The following NDUFS6 variants were observed in gnomAD, a reference collection of about 807,000 sequenced individuals.
The protein encoded by NDUFS6 is NADH dehydrogenase [ubiquinone] iron-sulfur protein 6, mitochondrial.
NDUFS6 carries 14 observed loss-of-function variants against 13.2 expected under a neutral mutation model. The ratio of observed to expected loss-of-function variants is 1.06; its 90% confidence interval spans 0.70 to 1.66. NDUFS6 has a LOEUF of 1.66. Among genes scored for constraint, NDUFS6 ranks in the 40% most tolerant of loss-of-function variants. The probability of loss-of-function intolerance (pLI) is 0.00; values close to 1 mark genes in which losing one functional copy is unlikely to be tolerated. For synonymous variants in NDUFS6, 95 were observed against 72.3 expected (o/e 1.31, Z -1.60); for missense variants, 206 against 170.8 (o/e 1.21, Z -1.15).
intron 2 of NDUFS6, among the ~76,000 whole-genome samples, chr5:1,807,281 C>A (rs1050277246): frequency 6.7e-6 from 1 of 149,806 alleles, no homozygotes; most frequent in African/African-American, 2.5e-5. Context: ...TTGCCGGGGG[C>A]GGGGGGTGAA....
In NDUFS6 at chr5:1,803,751, A is replaced by G. The variant is rs576567894; in HGVS notation, c.186+1377A>G. The stretch of plus-strand genomic sequence containing the variant: ...CATGTGCCACATTCTCCAATGCTGT[A>G]TCCCAGTGATTCACACAAAGGAGCT... On this transcript the variant is annotated intron_variant, in intron 2 of 3. Coordinates refer to ENST00000274137, the MANE Select transcript of NDUFS6 (RefSeq NM_004553.6). 2.6e-4 allele frequency among the ~76,000 whole-genome samples: 39 copies of G among 152,368 alleles called. No homozygotes were observed. In the South Asian group the frequency reaches 5.6e-3, roughly 22 times the overall value.
intron 2 of NDUFS6, among the ~76,000 whole-genome samples, chr5:1,805,414 T>G (rs1409520129): frequency 6.6e-6 from 1 of 152,248 alleles, no homozygotes; most frequent in African/African-American, 2.4e-5. Context: ...GAGCTGGTCT[T>G]TGCAGAAAAA....
chr5:1,812,810 T>G (rs538329633), intron 2 of NDUFS6, among the ~76,000 whole-genome samples: 39 of 151,588 alleles, frequency 2.6e-4, no homozygotes, highest in Admixed American at 2.2e-3. Context: ...CCCAGCACTT[T>G]GGGAGGCCGA....
chr5:1,807,522 C>T (rs1391341327), intron 2 of NDUFS6, among the ~76,000 whole-genome samples: 1 of 152,208 alleles, frequency 6.6e-6, no homozygotes, highest in African/African-American at 2.4e-5. Context: ...CCTGAGGCTT[C>T]TGTGGCTGGT....
chr5:1,814,511 A>G lies in NDUFS6; in HGVS notation c.309+50A>G, dbSNP rs777681158. On this transcript the variant is annotated intron_variant, in intron 3 of 3. Transcript: ENST00000274137. This position sits in a 1 kb window ranked among gnomAD's most constrained non-coding sequence, Gnocchi z 4.9. Reference sequence around the variant, plus strand: ...ATGTTAGGGCAGCCTGCTCGTCCTCATACTCCCCTTCACTCCCAGTGCCTG... The same window carrying G: ...ATGTTAGGGCAGCCTGCTCGTCCTCGTACTCCCCTTCACTCCCAGTGCCTG... The G allele has an allele frequency of 6.2e-7, 1 of 1,613,652 alleles. No homozygotes were observed. Among genetic ancestry groups the G allele is most frequent in the South Asian group, 1.1e-5 (1 of 91,038 alleles).
In NDUFS6 at chr5:1,814,039, A is replaced by T. The variant is rs1734263198; in HGVS notation, c.187-300A>T. ...GACAGAACGATGTGGTGGGGAGAAGAGGGCGTGGCAGAGCCCACGGGGCAC... is the reference window on the plus strand; with the variant it reads ...GACAGAACGATGTGGTGGGGAGAAGTGGGCGTGGCAGAGCCCACGGGGCAC... On this transcript the variant is annotated intron_variant, in intron 2 of 3. Transcript: ENST00000274137. This position sits in a 1 kb window ranked among gnomAD's most constrained non-coding sequence, Gnocchi z 4.9. Among the ~76,000 whole-genome samples the T allele has an allele frequency of 6.6e-6, 1 of 152,188 alleles. No individual in the cohort carries two copies. The highest frequency in any genetic ancestry group is 1.5e-5 in the Non-Finnish European group (1 of 68,044).
At chr5:1,810,543 A>C (rs918135073) in intron 2 of NDUFS6, among the ~76,000 whole-genome samples, 1 of 152,244 alleles carries the variant, frequency 6.6e-6, no homozygotes, top group Non-Finnish European at 1.5e-5. Flanking sequence ...TGCCATCGTG[A>C]GCATCATCAA....
Position 1,814,663 on chromosome 5 carries a change from CA to C in NDUFS6, c.309+204del, listed in dbSNP as rs767525708. ...AGCCGCCTGTCCGAAAACCCCCTTT[CA>C]ACTGTGAAGTGGTGGGCGGCATGTT... is the stretch of plus-strand genomic sequence containing the variant. On this transcript the variant is annotated intron_variant, in intron 3 of 3. Coordinates refer to ENST00000274137, the MANE Select transcript of NDUFS6 (RefSeq NM_004553.6). This position sits in a 1 kb window ranked among gnomAD's most constrained non-coding sequence, Gnocchi z 4.9. 1 of 818,674 alleles carries C rather than the reference CA, an allele frequency of 1.2e-6. No individual in the cohort carries two copies. The highest frequency in any genetic ancestry group is 1.4e-5 in the South Asian group (1 of 69,882). The allele number at this position is 818,674 out of a possible 1,614,324, so 50.7% of individuals were successfully genotyped here. A position where few individuals can be genotyped will look rare whatever the true frequency, so the allele number is the denominator to read the frequency against.
At chr5:1,801,983 C>T (rs1007904510) in intron 1 of NDUFS6, among the ~76,000 whole-genome samples, 6 of 152,108 alleles carry the variant, frequency 3.9e-5, no homozygotes, top group African/African-American at 9.7e-5. Flanking sequence ...TGGAATGTGC[C>T]CTAGTAGATT....
At chr5:1,809,347 A>G (rs1043484075) in intron 2 of NDUFS6, among the ~76,000 whole-genome samples, 2 of 152,158 alleles carry the variant, frequency 1.3e-5, no homozygotes, top group Non-Finnish European at 2.9e-5. Context: ...AGGTGAAAGC[A>G]GGTGAGAATG....
intron 2 of NDUFS6, among the ~76,000 whole-genome samples, chr5:1,809,577 G>T (rs891999265): frequency 3.9e-5 from 6 of 152,214 alleles, no homozygotes; most frequent in Non-Finnish European, 7.3e-5. Flanking sequence ...ACTAAATGAC[G>T]GGAGGGCATC....
At chr5:1,805,962 C>T (rs991087896) in intron 2 of NDUFS6, among the ~76,000 whole-genome samples, 5 of 152,158 alleles carry the variant, frequency 3.3e-5, no homozygotes, top group Non-Finnish European at 4.4e-5. Context: ...GCACTGAGTC[C>T]GTGTAGATGA....
intron 1 of NDUFS6, 139 bp downstream of exon 1, chr5:1,801,688 C>G: frequency 7.5e-7 from 1 of 1,326,270 alleles, no homozygotes; most frequent in Non-Finnish European, 1.0e-6. Flanking sequence ...GTCGCTCACG[C>G]GCCGGGGAGG....
At chr5:1,803,726 C>G (rs1734083903) in intron 2 of NDUFS6, among the ~76,000 whole-genome samples, 1 of 152,198 alleles carries the variant, frequency 6.6e-6, no homozygotes, top group Non-Finnish European at 1.5e-5. Context: ...GCATCTGTTC[C>G]ATGTGCCACA....
intron 2 of NDUFS6, among the ~76,000 whole-genome samples, chr5:1,803,001 T>C (rs547888590): frequency 6.6e-6 from 1 of 152,296 alleles, no homozygotes; most frequent in Admixed American, 6.5e-5. Context: ...GCCTCCATGA[T>C]TCCTGAATTT....
At chr5:1,802,267 G>A in intron 1 of NDUFS6, 54 bp from the exon 2 acceptor site, 1 of 1,478,338 alleles carries the variant, frequency 6.8e-7, no homozygotes. Flanking sequence ...GATATGAAGT[G>A]ACTTTCAGAA....
intron 2 of NDUFS6, among the ~76,000 whole-genome samples, chr5:1,803,762 T>A (rs905214546): frequency 2.0e-5 from 3 of 152,232 alleles, no homozygotes; most frequent in African/African-American, 7.2e-5. Flanking sequence ...TCCCAGTGAT[T>A]CACACAAAGG....
intron 2 of NDUFS6, among the ~76,000 whole-genome samples, chr5:1,808,166 G>A (rs1734157064): frequency 6.6e-6 from 1 of 152,202 alleles, no homozygotes; most frequent in Non-Finnish European, 1.5e-5. Flanking sequence ...ATCCTTAGAG[G>A]GTTTAAGAGG....
In NDUFS6 at chr5:1,801,423, G is replaced by C. The variant is rs769602311; in HGVS notation, c.6G>C (p.Ala2=). The C allele has an allele frequency of 3.7e-6, 6 of 1,605,272 alleles. No individual in the cohort carries two copies. The South Asian group carries it at 5.5e-5, about 15-fold the overall frequency. The change falls in exon 1 of 4, where the codon GCG becomes GCC. Residue 2 remains alanine (A), a synonymous_variant. Coordinates refer to ENST00000274137, the MANE Select transcript of NDUFS6 (RefSeq NM_004553.6). M[A]AAMTFCRLLN... The stretch of plus-strand genomic sequence containing the variant: ...TCAAAGGCCAGCGGCGCAAAATGGC[G>C]GCGGCGATGACCTTCTGCCGGCTGC...
Sources: allele counts gnomAD v4.1 joint callset (sites outside exome capture counted in the v4.1 genomes callset), GRCh38; gene constraint gnomAD v4.1.1; non-coding constraint Gnocchi (gnomAD v3.1); transcripts MANE v1.5; gene names NCBI Gene and HGNC (gene_info 2026-07-23, HGNC 2026-07-21).